TG: variants seen among roughly 807,000 people sequenced by gnomAD.
The protein encoded by TG is thyroid hormones.
A neutral mutation model predicts 324.7 loss-of-function variants in TG; 270 were observed. The observed-to-expected ratio is 0.83, with a 90% confidence interval of 0.75 to 0.92. The LOEUF (loss-of-function observed/expected upper bound fraction) is 0.92. Among genes scored for constraint, TG ranks in the 40% least tolerant of loss-of-function variants. TG has a pLI of 0.00. For missense variants in TG, 3,591 were observed against 3,456.4 expected (o/e 1.04, Z -0.98); for synonymous variants, 1,401 against 1,327.0 (o/e 1.06, Z -1.21).
intron 26 of TG, among the ~76,000 whole-genome samples, chr8:132,943,211 G>T (rs576446560): frequency 1.3e-5 from 2 of 152,272 alleles, no homozygotes; most frequent in African/African-American, 2.4e-5. Flanking sequence ...AGTGGGAGGT[G>T]TTGGGTAACA....
At chr8:132,973,996 T>TC (rs1470749451) in intron 34 of TG, among the ~76,000 whole-genome samples, 1 of 148,616 alleles carries the variant, frequency 6.7e-6, no homozygotes, top group East Asian at 1.9e-4. Flanking sequence ...TCCTTTTTTT[T>TC]TTTTTTTTTT....
intron 27 of TG, among the ~76,000 whole-genome samples, chr8:132,954,259 G>A (rs968679282): frequency 6.6e-6 from 1 of 152,096 alleles, no homozygotes; most frequent in Non-Finnish European, 1.5e-5. Flanking sequence ...GTTTAAAAAG[G>A]GCCCTACAGT....
chr8:133,085,935 C>A (rs1017081449), intron 41 of TG, among the ~76,000 whole-genome samples: 10 of 152,144 alleles, frequency 6.6e-5, no homozygotes, highest in South Asian at 6.2e-4. Context: ...TTCACAACAG[C>A]ATTATTCATA....
Position 132,887,396 on chromosome 8 carries a change from G to C in TG, c.2024G>C (p.Ser675Thr), listed in dbSNP as rs371722501. ...QRARMQSLMG[S>T]QPAGSTLFVP... ...GCTCGCATGCAAAGCCTCATGGGCA[G>C]CCAGCCTGCTGGCTCCACCTTGTTT... The change falls in exon 9 of 48, where the codon AGC (serine) becomes ACC (threonine). Residue 675 changes from serine (S) to threonine (T), a missense_variant. Physicochemically the swap from Ser to Thr is moderately conservative, Grantham distance 58. Transcript: ENST00000220616. 1.4e-5 allele frequency: 23 copies of C among 1,614,096 alleles called. No homozygotes were observed. The highest frequency in any genetic ancestry group is 1.9e-5 in the Non-Finnish European group (23 of 1,180,054).
intron 20 of TG, 124 bp downstream of exon 20, chr8:132,913,389 G>T: frequency 9.7e-7 from 1 of 1,033,320 alleles, no homozygotes. Context: ...TTTAGTTAAC[G>T]AGCAAAAGTT....
At position 132,886,705 on chromosome 8, in the gene TG, C is replaced by A; in HGVS notation, c.1333C>A (p.Arg445=). 1 of 1,614,188 alleles carries A rather than the reference C, an allele frequency of 6.2e-7. No individual in the cohort carries two copies. The highest frequency in any genetic ancestry group is 8.5e-7 in the Non-Finnish European group (1 of 1,180,036). The part of the protein sequence containing the change: ...VSENLLKEAI[R]AIFPSRGLAR... ...AGAAAATCTTCTCAAAGAAGCCATCCGAGCAATTTTTCCCTCCCGAGGGCT... is the reference window on the plus strand; with the variant it reads ...AGAAAATCTTCTCAAAGAAGCCATCAGAGCAATTTTTCCCTCCCGAGGGCT... The change falls in exon 9 of 48, where the codon CGA becomes AGA. Residue 445 remains arginine, a synonymous_variant. Coordinates refer to ENST00000220616, the MANE Select transcript of TG (RefSeq NM_003235.5).
At chr8:133,109,543 C>T (rs775503068) in intron 43 of TG, among the ~76,000 whole-genome samples, 2 of 152,116 alleles carry the variant, frequency 1.3e-5, no homozygotes, top group East Asian at 1.9e-4. Context: ...AAATTGAAGG[C>T]CAAGTGGCAG....
At position 133,133,450 on chromosome 8, in the gene TG, C is replaced by A. The variant is rs1268961983; in HGVS notation, c.7998-20C>A. Reference sequence around the variant, plus strand: ...AGACAAATTTCCCTCATGGATATTTCTTTCTTCTCATTTGCCCAGAAATCC... The same window carrying A: ...AGACAAATTTCCCTCATGGATATTTATTTCTTCTCATTTGCCCAGAAATCC... On this transcript the variant is annotated intron_variant, in intron 46 of 47. Transcript: ENST00000220616. The A allele has an allele frequency of 6.2e-7, 1 of 1,612,800 alleles. No homozygotes were observed. Among genetic ancestry groups the A allele is most frequent in the Admixed American group, 1.7e-5 (1 of 60,030 alleles).
chr8:132,913,406 C>A, intron 20 of TG, 141 bp downstream of exon 20: 1 of 846,218 alleles, frequency 1.2e-6, no homozygotes, highest in Non-Finnish European at 1.9e-6. Flanking sequence ...AGTTTTCAAT[C>A]ATCTACTATG....
intron 27 of TG, among the ~76,000 whole-genome samples, chr8:132,951,374 G>A (rs996677844): frequency 3.3e-5 from 5 of 152,098 alleles, no homozygotes; most frequent in South Asian, 2.1e-4. Flanking sequence ...AAATCAAATC[G>A]CTTATTTATA....
chr8:133,029,716 A>G, intron 40 of TG, 105 bp from the exon 41 acceptor site: 1 of 1,368,808 alleles, frequency 7.3e-7, no homozygotes, highest in Non-Finnish European at 1.0e-6. Flanking sequence ...AAGAGCCCAG[A>G]GCCCCTGGCG....
At chr8:132,955,900 C>T (rs1235599911) in intron 27 of TG, among the ~76,000 whole-genome samples, 4 of 152,194 alleles carry the variant, frequency 2.6e-5, no homozygotes, top group Non-Finnish European at 5.9e-5. Flanking sequence ...GGCTCTGTGC[C>T]CAGACCCTCA....
In TG at chr8:133,133,488, T is replaced by C. The variant is rs777733707; in HGVS notation, c.8016T>C (p.Tyr2672=). Residue 2672 remains tyrosine, a synonymous_variant, in exon 47 of 48, where the codon TAT becomes TAC. Transcript: ENST00000220616. The part of the protein sequence containing the change: ...FIRSGNPNYP[Y]EFSRKVPTFA... ...TGCCCAGAAATCCCAACTACCCTTATGAGTTCTCACGGAAAGTACCCACAT... is the reference window on the plus strand; with the variant it reads ...TGCCCAGAAATCCCAACTACCCTTACGAGTTCTCACGGAAAGTACCCACAT... The C allele has an allele frequency of 4.3e-6, 7 of 1,614,214 alleles. No homozygotes were observed. The South Asian group carries it at 7.7e-5, about 18-fold the overall frequency.
At chr8:133,086,105 G>A (rs1020262397) in intron 41 of TG, among the ~76,000 whole-genome samples, 1 of 152,168 alleles carries the variant, frequency 6.6e-6, no homozygotes, top group Non-Finnish European at 1.5e-5. Context: ...AGACACAGAA[G>A]GCTACATATT....
At chr8:132,972,227 G>T in intron 33 of TG, 1 of 446,038 alleles carries the variant, frequency 2.2e-6, no homozygotes, top group South Asian at 2.2e-5. Context: ...ACTAGTGTGT[G>T]ATTCTGGAAA....
At chr8:132,995,665 T>A (rs1012655624) in intron 35 of TG, among the ~76,000 whole-genome samples, 2 of 152,162 alleles carry the variant, frequency 1.3e-5, no homozygotes, top group Non-Finnish European at 2.9e-5. Flanking sequence ...AGCTTTTGTG[T>A]TTGGGGAAGT....
intron 41 of TG, among the ~76,000 whole-genome samples, chr8:133,084,474 G>A (rs1180391106): frequency 1.3e-5 from 2 of 152,134 alleles, no homozygotes; most frequent in African/African-American, 4.8e-5. Context: ...CCATTGCCTC[G>A]GCTATCACTC....
intron 8 of TG, among the ~76,000 whole-genome samples, chr8:132,886,024 T>C (rs535124107): frequency 1.1e-4 from 17 of 152,306 alleles, no homozygotes; most frequent in African/African-American, 3.8e-4. Flanking sequence ...TATGACATCA[T>C]CTTAACTTGG....
chr8:132,934,780 C>A (rs1009653720), intron 24 of TG, among the ~76,000 whole-genome samples: 3 of 152,164 alleles, frequency 2.0e-5, no homozygotes, highest in Admixed American at 6.5e-5. Context: ...ATACTGGGAA[C>A]AAAACACACC....
Sources: allele counts gnomAD v4.1 joint callset (sites outside exome capture counted in the v4.1 genomes callset), GRCh38; gene constraint gnomAD v4.1.1; transcripts MANE v1.5; gene names NCBI Gene and HGNC (gene_info 2026-07-23, HGNC 2026-07-21).